SEZ6L: variants seen among roughly 807,000 people sequenced by gnomAD.
The protein encoded by SEZ6L is seizure related 6 homolog like, also known as seizure 6-like protein.
SEZ6L carries 37 observed loss-of-function variants against 106.2 expected under a neutral mutation model. That is an observed-to-expected ratio of 0.35 (90% CI 0.27 to 0.46). SEZ6L has a LOEUF of 0.46. Ranked by LOEUF, SEZ6L falls within the 20% of genes least tolerant of loss-of-function variation. The pLI, the probability that SEZ6L is intolerant of heterozygous loss-of-function variation, is 1.00. For synonymous variants in SEZ6L, 541 were observed against 570.4 expected, an observed-to-expected ratio of 0.95 and a Z score of 0.73; for missense variants, 1,172 against 1,332.8, an observed-to-expected ratio of 0.88 and a Z score of 1.88.
In SEZ6L at chr22:26,248,052, A is replaced by G. The variant is rs186838057; in HGVS notation, c.95-44354A>G. On this transcript the variant is annotated intron_variant, in intron 1 of 16. Transcript: ENST00000248933. ...TCTCCATCACAGAGAGCCAGACTGG[A>G]CAAAGAGTTCAGGGTGCATTTGGAG... Among the ~76,000 whole-genome samples the G allele has an allele frequency of 1.4e-4, 22 of 152,302 alleles. No individual in the cohort carries two copies. In the East Asian group the frequency reaches 4.1e-3, roughly 28 times the overall value.
chr22:26,311,733 T>C, intron 7 of SEZ6L, 35 bp from the exon 8 acceptor site: 1 of 1,582,432 alleles, frequency 6.3e-7, no homozygotes, highest in Non-Finnish European at 8.7e-7. Context: ...AGTCCCTGCA[T>C]CATCTGAACT....
intron 1 of SEZ6L, among the ~76,000 whole-genome samples, chr22:26,199,798 C>T (rs1940811753): frequency 6.6e-6 from 1 of 152,204 alleles, no homozygotes; most frequent in Non-Finnish European, 1.5e-5. Context: ...TTCAGTTCTA[C>T]AAGACTTGAG....
intron 1 of SEZ6L, among the ~76,000 whole-genome samples, chr22:26,221,293 A>T (rs1366370582): frequency 6.6e-6 from 1 of 151,936 alleles, no homozygotes; most frequent in African/African-American, 2.4e-5. Flanking sequence ...GTGTTCCTCC[A>T]ATCTAATTTC....
chr22:26,241,032 A>G (rs1285836650), intron 1 of SEZ6L, among the ~76,000 whole-genome samples: 1 of 152,230 alleles, frequency 6.6e-6, no homozygotes, highest in Non-Finnish European at 1.5e-5. Flanking sequence ...AGAGACATGC[A>G]GACACTCTAG....
At chr22:26,341,272 C>CA (rs55747168) in intron 10 of SEZ6L, among the ~76,000 whole-genome samples, 45 of 149,956 alleles carry the variant, frequency 3.0e-4, no homozygotes, top group South Asian at 4.2e-4. Flanking sequence ...ACAAACAAAA[C>CA]AAAAAAAAAA....
intron 13 of SEZ6L, among the ~76,000 whole-genome samples, chr22:26,368,333 CGAG>C (rs1478955793): frequency 1.3e-5 from 2 of 152,082 alleles, no homozygotes; most frequent in African/African-American, 4.8e-5. Context: ...ACAATAGCCA[CGAG>C]ATGGAAACAA....
chr22:26,321,757 A>G (rs1480862175), intron 9 of SEZ6L, among the ~76,000 whole-genome samples: 2 of 152,068 alleles, frequency 1.3e-5, no homozygotes, highest in African/African-American at 4.8e-5. Flanking sequence ...TGCAATTGTT[A>G]TTTTTCACAT....
chr22:26,319,009 A>G (rs2082081547), intron 9 of SEZ6L, among the ~76,000 whole-genome samples: 1 of 152,126 alleles, frequency 6.6e-6, no homozygotes, highest in African/African-American at 2.4e-5. Flanking sequence ...TACTCCCACC[A>G]TGACCCATTT....
At position 26,255,371 on chromosome 22, in the gene SEZ6L, T is replaced by A. The variant is rs1602179876; in HGVS notation, c.95-37035T>A. On this transcript the variant is annotated intron_variant, in intron 1 of 16. Coordinates refer to ENST00000248933, the MANE Select transcript of SEZ6L (RefSeq NM_021115.5). ...AGCTTTCCTATCTGGGTGGCCTTCA[T>A]AGAGAAGAAGAATCCCCTCTGCTGT... is the stretch of plus-strand genomic sequence containing the variant. Among the ~76,000 whole-genome samples the A allele has an allele frequency of 2.6e-5, 4 of 152,336 alleles. No homozygotes were observed. The East Asian group carries it at 7.7e-4, about 29-fold the overall frequency.
At chr22:26,344,712 CTCAG>C (rs1252845254) in intron 10 of SEZ6L, among the ~76,000 whole-genome samples, 2 of 152,200 alleles carry the variant, frequency 1.3e-5, no homozygotes, top group Admixed American at 6.5e-5. Context: ...CTCATAATAT[CTCAG>C]TCAAACAAAC....
chr22:26,341,324 C>A (rs369918258), intron 10 of SEZ6L, among the ~76,000 whole-genome samples: 1 of 152,040 alleles, frequency 6.6e-6, no homozygotes, highest in Non-Finnish European at 1.5e-5. Context: ...CTCCTATGAC[C>A]CCTCGTGTGC....
intron 9 of SEZ6L, among the ~76,000 whole-genome samples, chr22:26,322,382 G>A (rs774556132): frequency 5.9e-5 from 9 of 152,164 alleles, no homozygotes; most frequent in South Asian, 4.1e-4. Flanking sequence ...ATGTAGCAGC[G>A]ACACGGGAAG....
chr22:26,235,196 G>A (rs1186446376), intron 1 of SEZ6L, among the ~76,000 whole-genome samples: 1 of 152,138 alleles, frequency 6.6e-6, no homozygotes, highest in Non-Finnish European at 1.5e-5. Context: ...GGAGGGTGGA[G>A]AAGGGGAAGC....
At chr22:26,218,033 T>C (rs1414494919) in intron 1 of SEZ6L, among the ~76,000 whole-genome samples, 1 of 152,198 alleles carries the variant, frequency 6.6e-6, no homozygotes, top group Non-Finnish European at 1.5e-5. Flanking sequence ...TTAGACACAC[T>C]TCCTGCCGTT....
intron 1 of SEZ6L, 98 bp from the exon 2 acceptor site, chr22:26,292,308 T>A: frequency 1.1e-6 from 1 of 929,580 alleles, no homozygotes; most frequent in East Asian, 2.6e-5. Context: ...CGGACGAGCT[T>A]TGGGCACCGC....
At chr22:26,178,539 G>C (rs1191567318) in intron 1 of SEZ6L, among the ~76,000 whole-genome samples, 1 of 152,174 alleles carries the variant, frequency 6.6e-6, no homozygotes, top group Non-Finnish European at 1.5e-5. Context: ...TTAGAACAAG[G>C]TAGGTGGATA....
chr22:26,206,283 A>G (rs1941266620), intron 1 of SEZ6L, among the ~76,000 whole-genome samples: 1 of 152,232 alleles, frequency 6.6e-6, no homozygotes, highest in African/African-American at 2.4e-5. Context: ...GAAAATGTCC[A>G]GAACCACCTC....
In SEZ6L at chr22:26,357,900, G is replaced by A. The variant is rs778494489; in HGVS notation, c.2599+6657G>A. On this transcript the variant is annotated intron_variant, in intron 12 of 16. Transcript: ENST00000248933. ...AAACTAAAAAGAATCTGACAAATCCGGCAAGGGTTTTATGAGTGGCTCTCC... is the reference window on the plus strand; with the variant it reads ...AAACTAAAAAGAATCTGACAAATCCAGCAAGGGTTTTATGAGTGGCTCTCC... 7.2e-5 allele frequency among the ~76,000 whole-genome samples: 11 copies of A among 152,240 alleles called. No homozygotes were observed. In the South Asian group the frequency reaches 8.3e-4, roughly 11 times the overall value.
At position 26,347,082 on chromosome 22, in the gene SEZ6L, G is replaced by C. The variant is rs2083031980; in HGVS notation, c.2213-637G>C. Among the ~76,000 whole-genome samples, 3 of 151,884 alleles carry C rather than the reference G, an allele frequency of 2.0e-5. No homozygotes were observed. The East Asian group carries it at 5.8e-4, about 29-fold the overall frequency. On this transcript the variant is annotated intron_variant, in intron 10 of 16. Coordinates refer to ENST00000248933, the MANE Select transcript of SEZ6L (RefSeq NM_021115.5). ...ATGGTGGTACATGACTGTGGTCCCA[G>C]CTACTTGAGAGGCTGAAGTGGGAGG...
Sources: allele counts gnomAD v4.1 joint callset (sites outside exome capture counted in the v4.1 genomes callset), GRCh38; gene constraint gnomAD v4.1.1; transcripts MANE v1.5; gene names NCBI Gene and HGNC (gene_info 2026-07-23, HGNC 2026-07-21).